SLC2A13: variants seen among roughly 807,000 people sequenced by gnomAD.
The protein encoded by SLC2A13 is proton myo-inositol cotransporter.
A neutral mutation model predicts 64.4 loss-of-function variants in SLC2A13; 32 were observed. The ratio of observed to expected loss-of-function variants is 0.50; its 90% CI spans 0.37 to 0.67. SLC2A13 has a LOEUF of 0.67. Among genes scored for constraint, SLC2A13 ranks in the 30% least tolerant of loss-of-function variants. SLC2A13 has a pLI of 0.00. For missense variants in SLC2A13, 743 were observed against 829.2 expected (o/e 0.90, Z 1.28); for synonymous variants, 338 against 327.1 (o/e 1.03, Z -0.36).
intron 4 of SLC2A13, among the ~76,000 whole-genome samples, chr12:39,906,768 G>A (rs114353754): frequency 0.012 from 1,769 of 152,076 alleles, 29 homozygotes; most frequent in African/African-American, 0.039. Flanking sequence ...GGATTCATAG[G>A]TCTTCTACGA....
intron 7 of SLC2A13, among the ~76,000 whole-genome samples, chr12:39,809,993 A>G (rs1449491145): frequency 1.3e-5 from 2 of 152,212 alleles, no homozygotes; most frequent in Admixed American, 6.5e-5. Context: ...TTATAGCAGC[A>G]TGATTTATAA....
At chr12:39,769,898 T>A (rs1475732933) in intron 7 of SLC2A13, among the ~76,000 whole-genome samples, 2 of 152,102 alleles carry the variant, frequency 1.3e-5, no homozygotes, top group South Asian at 2.1e-4. Context: ...TGTGGTCTTT[T>A]TCCTGGATGT....
At chr12:40,008,744 G>A (rs1321394290) in intron 3 of SLC2A13, among the ~76,000 whole-genome samples, 1 of 152,054 alleles carries the variant, frequency 6.6e-6, no homozygotes. Flanking sequence ...AGCTTAGAAA[G>A]AAATTACCAT....
In SLC2A13 at chr12:39,760,267, A is replaced by G. The variant is rs1176433803; in HGVS notation, c.1721-15T>C. ...GAAGAAAGCTCCTGCAACGGAATAT[A>G]ATAGATACATGAATATGAATATATA... On this transcript the variant is annotated splice_polypyrimidine_tract_variant and intron_variant, in intron 9 of 9. Coordinates refer to ENST00000280871, the MANE Select transcript of SLC2A13 (RefSeq NM_052885.4). 2.5e-6 allele frequency: 4 copies of G among 1,594,122 alleles called. No individual in the cohort carries two copies. Among genetic ancestry groups the G allele is most frequent in the Non-Finnish European group, 3.4e-6 (4 of 1,165,772 alleles).
chr12:39,974,583 G>A (rs1457427368), intron 3 of SLC2A13, among the ~76,000 whole-genome samples: 2 of 152,140 alleles, frequency 1.3e-5, no homozygotes, highest in African/African-American at 4.8e-5. Flanking sequence ...AGTTTTCTTA[G>A]TCCCTGTAGT....
chr12:39,814,042 C>A (rs1942268434), intron 7 of SLC2A13, among the ~76,000 whole-genome samples: 2 of 152,188 alleles, frequency 1.3e-5, no homozygotes, highest in Admixed American at 1.3e-4. Context: ...AAACTATAAT[C>A]ATATCTTTCA....
chr12:39,814,821 C>A (rs1007653045), intron 7 of SLC2A13, among the ~76,000 whole-genome samples: 1 of 152,152 alleles, frequency 6.6e-6, no homozygotes, highest in African/African-American at 2.4e-5. Flanking sequence ...ATGCATATGT[C>A]ACAATATGCA....
At chr12:40,054,783 T>C (rs1033533680) in intron 1 of SLC2A13, among the ~76,000 whole-genome samples, 11 of 152,184 alleles carry the variant, frequency 7.2e-5, no homozygotes, top group Non-Finnish European at 1.2e-4. Flanking sequence ...AATAATTTCA[T>C]AACCAAATAC....
intron 4 of SLC2A13, among the ~76,000 whole-genome samples, chr12:39,886,798 A>C (rs557381330): frequency 6.6e-6 from 1 of 152,330 alleles, no homozygotes; most frequent in African/African-American, 2.4e-5. Flanking sequence ...TTTTCTATGA[A>C]TCTAAGAGAC....
intron 1 of SLC2A13, among the ~76,000 whole-genome samples, chr12:40,097,107 G>A (rs756978448): frequency 1.3e-5 from 2 of 152,088 alleles, no homozygotes; most frequent in Non-Finnish European, 2.9e-5. Flanking sequence ...TGAGGTGAAT[G>A]CAAACATATA....
chr12:40,077,926 T>C (rs963685713), intron 1 of SLC2A13, among the ~76,000 whole-genome samples: 2 of 152,122 alleles, frequency 1.3e-5, no homozygotes, highest in African/African-American at 2.4e-5. Context: ...GTGAATGGGA[T>C]TGCATTCTTG....
chr12:39,837,328 C>T (rs1353552104), intron 6 of SLC2A13, among the ~76,000 whole-genome samples: 1 of 144,674 alleles, frequency 6.9e-6, no homozygotes, highest in African/African-American at 2.6e-5. Context: ...ACACCTTATA[C>T]AAAAATCAAT....
intron 1 of SLC2A13, among the ~76,000 whole-genome samples, chr12:40,057,674 T>A (rs759552152): frequency 6.6e-6 from 1 of 152,158 alleles, no homozygotes; most frequent in African/African-American, 2.4e-5. Context: ...CTCTCTGATA[T>A]CAACTTCAAA....
chr12:40,081,939 G>T (rs1476415801), intron 1 of SLC2A13, among the ~76,000 whole-genome samples: 1 of 152,168 alleles, frequency 6.6e-6, no homozygotes, highest in Non-Finnish European at 1.5e-5. Flanking sequence ...CTGGATGATT[G>T]CAGGGGGCCA....
chr12:39,968,331 G>A (rs1416320870), intron 3 of SLC2A13, among the ~76,000 whole-genome samples: 1 of 152,022 alleles, frequency 6.6e-6, no homozygotes, highest in Non-Finnish European at 1.5e-5. Context: ...AGAACAACAT[G>A]GAGGTAACTG....
intron 3 of SLC2A13, among the ~76,000 whole-genome samples, chr12:39,997,826 A>G (rs1212443570): frequency 1.3e-5 from 2 of 152,104 alleles, no homozygotes; most frequent in South Asian, 2.1e-4. Flanking sequence ...GCGAGACTCC[A>G]TCTCGAAAAA....
intron 6 of SLC2A13, among the ~76,000 whole-genome samples, chr12:39,854,193 C>T (rs190350444): frequency 6.6e-6 from 1 of 151,806 alleles, no homozygotes; most frequent in East Asian, 1.9e-4. Context: ...TCACTTTAGG[C>T]AAATGATATA....
intron 1 of SLC2A13, among the ~76,000 whole-genome samples, chr12:40,093,244 T>C (rs1938826093): frequency 6.6e-6 from 1 of 152,126 alleles, no homozygotes; most frequent in South Asian, 2.1e-4. Context: ...AACCATAGAG[T>C]AGTGTCAGAA....
At chr12:39,771,911 A>G (rs548071452) in intron 7 of SLC2A13, among the ~76,000 whole-genome samples, 1 of 152,246 alleles carries the variant, frequency 6.6e-6, no homozygotes, top group Admixed American at 6.5e-5. Context: ...GTCTAGACCC[A>G]GTATCTCCTA....
Sources: allele counts gnomAD v4.1 joint callset (sites outside exome capture counted in the v4.1 genomes callset), GRCh38; gene constraint gnomAD v4.1.1; transcripts MANE v1.5; gene names NCBI Gene and HGNC (gene_info 2026-07-23, HGNC 2026-07-21).